CELF2: variants seen among roughly 807,000 people sequenced by gnomAD.
CELF2 encodes the protein CUG triplet repeat RNA-binding protein 2.
Under a neutral mutation model 62.6 loss-of-function variants are expected in CELF2, and 8 were observed. The ratio of observed to expected loss-of-function variants is 0.13; its 90% CI spans 0.07 to 0.23. The LOEUF is 0.23. Among genes scored for constraint, CELF2 ranks in the 10% least tolerant of loss-of-function variants. The probability of loss-of-function intolerance (pLI) is 1.00; values close to 1 mark genes in which losing one functional copy is unlikely to be tolerated. For synonymous variants in CELF2, 258 were observed against 250.0 expected (o/e 1.03, Z -0.30); for missense variants, 333 against 671.0 (o/e 0.50, Z 5.56).
At chr10:10,740,998 G>T in the CELF2 span, among the ~76,000 whole-genome samples, 3 of 152,224 alleles carry the variant, frequency 2.0e-5, no homozygotes, top group South Asian at 6.2e-4. Flanking sequence ...TAATTCTAGG[G>T]ATCTAATACA....
the CELF2 span, among the ~76,000 whole-genome samples, chr10:10,492,482 G>A: frequency 6.6e-6 from 1 of 152,050 alleles, no homozygotes; most frequent in Non-Finnish European, 1.5e-5. Flanking sequence ...TATGCAAGCT[G>A]CACTTGGAAA....
chr10:10,540,640 A>T, the CELF2 span, among the ~76,000 whole-genome samples: 1 of 152,206 alleles, frequency 6.6e-6, no homozygotes, highest in Non-Finnish European at 1.5e-5. Context: ...TGAGTTCATC[A>T]GATAACTTTC....
At chr10:10,848,143 C>G (rs1160329671) in intron 1 of CELF2, among the ~76,000 whole-genome samples, 5 of 152,126 alleles carry the variant, frequency 3.3e-5, no homozygotes, top group African/African-American at 1.2e-4. Context: ...AATTTCGTTT[C>G]CTTTTCCTAT....
chr10:11,160,184 A>G (rs1332056218), intron 1 of CELF2, among the ~76,000 whole-genome samples: 4 of 152,258 alleles, frequency 2.6e-5, no homozygotes, highest in Admixed American at 2.6e-4. Flanking sequence ...CCATAGGATT[A>G]TAGAAATTAA....
chr10:10,779,330 G>A, the CELF2 span, among the ~76,000 whole-genome samples: 1 of 152,194 alleles, frequency 6.6e-6, no homozygotes, highest in African/African-American at 2.4e-5. Context: ...TGGTTGGTGT[G>A]AGTAAAGACT....
rs987794885 is a variant in CELF2, at chr10:11,207,333, G to A, written c.272-10092G>A. Among the ~76,000 whole-genome samples the A allele has an allele frequency of 1.3e-5, 2 of 152,180 alleles. No individual in the cohort carries two copies. Among genetic ancestry groups the A allele is most frequent in the African/African-American group, 2.4e-5 (1 of 41,436 alleles). ...GGGGTCATGGAAATAACAGAAGATG[G>A]TTCCTCCAGGGAAAGTCCCCAGGGC... On this transcript the variant is annotated intron_variant, in intron 2 of 12. Transcript: ENST00000633077. This position sits in a 1 kb window ranked among gnomAD's most constrained non-coding sequence, Gnocchi z 4.1.
At chr10:10,490,998 G>T in the CELF2 span, among the ~76,000 whole-genome samples, 1 of 152,110 alleles carries the variant, frequency 6.6e-6, no homozygotes, top group African/African-American at 2.4e-5. Context: ...ATTGGTTATT[G>T]TTTCCCAGTG....
the CELF2 span, among the ~76,000 whole-genome samples, chr10:10,740,069 C>A: frequency 6.8e-6 from 1 of 147,954 alleles, no homozygotes; most frequent in Non-Finnish European, 1.5e-5. Context: ...CATAGACTGT[C>A]TTTTCATTGT....
chr10:10,717,430 T>C, the CELF2 span, among the ~76,000 whole-genome samples: 2 of 152,148 alleles, frequency 1.3e-5, no homozygotes, highest in East Asian at 3.8e-4. Context: ...AAACAGCCCC[T>C]TGAATGTCTT....
chr10:10,871,711 C>T (rs951503733), intron 1 of CELF2, among the ~76,000 whole-genome samples: 2 of 152,092 alleles, frequency 1.3e-5, no homozygotes, highest in South Asian at 2.1e-4. Context: ...AACCAGGGGA[C>T]GTAAAAGAAC....
At chr10:10,671,609 TTC>T in the CELF2 span, among the ~76,000 whole-genome samples, 1 of 152,224 alleles carries the variant, frequency 6.6e-6, no homozygotes, top group African/African-American at 2.4e-5. Context: ...GTGGTCAATA[TTC>T]TGGATTTTGG....
chr10:10,834,659 A>AT (rs1382009227), intron 1 of CELF2, among the ~76,000 whole-genome samples: 4 of 152,290 alleles, frequency 2.6e-5, no homozygotes, highest in South Asian at 2.1e-4. Flanking sequence ...GTCAGACCCA[A>AT]TTTTTTTACC....
chr10:11,327,617 T>A (rs2095821536), intron 12 of CELF2, among the ~76,000 whole-genome samples: 1 of 152,198 alleles, frequency 6.6e-6, no homozygotes, highest in Admixed American at 6.5e-5. Context: ...ATTCTGTAAC[T>A]ATCTTGCTGT....
At chr10:10,798,736 C>T (rs896795346) in exon 1 of CELF2, 1 of 398,816 alleles carries the variant, frequency 2.5e-6, no homozygotes, top group Non-Finnish European at 4.4e-6. Flanking sequence ...TCCTCCTCTC[C>T]GGACTCGCCC....
chr10:10,472,859 T>C, the CELF2 span, among the ~76,000 whole-genome samples: 1 of 152,004 alleles, frequency 6.6e-6, no homozygotes, highest in African/African-American at 2.4e-5. Context: ...CCTAGGCCCA[T>C]GTAATTTGGC....
intron 1 of CELF2, among the ~76,000 whole-genome samples, chr10:10,802,100 GA>G (rs1383797062): frequency 1.3e-5 from 2 of 151,972 alleles, no homozygotes; most frequent in African/African-American, 4.8e-5. Flanking sequence ...TGCATTCAAA[GA>G]AAAAAATTCA....
rs2056349892 is a variant in CELF2, at chr10:11,010,877, C to G, written c.53+5437C>G. The G allele has an allele frequency of 1.3e-5, 2 of 152,244 alleles. No individual in the cohort carries two copies. Among genetic ancestry groups the G allele is most frequent in the Admixed American group, 1.3e-4 (2 of 15,286 alleles). 9.4% of individuals were successfully genotyped at this position (152,244 alleles called of 1,614,324 possible). A position where few individuals can be genotyped will look rare whatever the true frequency, so the allele number is the denominator to read the frequency against. On this transcript the variant is annotated intron_variant, in intron 1 of 12. Coordinates refer to the CELF2 transcript ENST00000416382. This position sits in a 1 kb window ranked among gnomAD's most constrained non-coding sequence, Gnocchi z 4.1. ...TGTTTATAGTTTCAGCTGCTCAGCC[C>G]TTCCTAAATTACAGCTCTTTTAAAC...
rs150054618 is a variant in CELF2 at position 10,990,968 on chromosome 10, C to CGTGTGT, written c.89+70985_89+70990dup. Among the ~76,000 whole-genome samples, 62 of 148,570 alleles carry CGTGTGT rather than the reference C, an allele frequency of 4.2e-4. No homozygotes were observed. Among genetic ancestry groups the CGTGTGT allele is most frequent in the African/African-American group, 8.4e-4 (34 of 40,618 alleles). ...ACAGCATCTTTTTGAGGTTCTTTTG[C>CGTGTGT]GTGTGTGTGTGTGTGTGTGTGCCCA... On this transcript the variant is annotated intron_variant, in intron 2 of 13. Coordinates refer to the CELF2 transcript ENST00000636488. The surrounding 1 kb of genome is among the most constrained non-coding windows in gnomAD (Gnocchi z 4.6).
chr10:10,650,722 C>T, the CELF2 span, among the ~76,000 whole-genome samples: 34 of 152,186 alleles, frequency 2.2e-4, no homozygotes, highest in Admixed American at 5.9e-4. Context: ...TCATACATTG[C>T]TTACTAAAAA....
Sources: gnomAD v4.1 joint callset for allele counts (sites outside exome capture counted in the v4.1 genomes callset) on GRCh38, gnomAD v4.1.1 for gene constraint, Gnocchi (gnomAD v3.1) non-coding constraint, MANE v1.5 for transcripts, NCBI Gene and HGNC (gene_info 2026-07-23, HGNC 2026-07-21) for gene names.